EXOC6: variants seen among roughly 807,000 people sequenced by gnomAD.
EXOC6 encodes the protein exocyst complex component 6.
In EXOC6, 60 loss-of-function variants were observed where a neutral mutation model predicts 112.5. The ratio of observed to expected loss-of-function variants is 0.53; its 90% confidence interval spans 0.43 to 0.66. The LOEUF (loss-of-function observed/expected upper bound fraction) is 0.66, where lower values mean the gene tolerates loss of function less well. EXOC6 is among the 30% of genes least tolerant of loss of function. The probability of loss-of-function intolerance (pLI) is 0.00; values close to 1 mark genes in which losing one functional copy is unlikely to be tolerated. For missense variants in EXOC6, 855 were observed against 957.1 expected, an observed-to-expected ratio of 0.89 and a Z score of 1.41; for synonymous variants, 295 against 308.0, an observed-to-expected ratio of 0.96 and a Z score of 0.44.
upstream of EXOC6, among the ~76,000 whole-genome samples, chr10:92,846,295 G>A (rs1441952628): frequency 1.3e-5 from 2 of 152,212 alleles, no homozygotes; most frequent in African/African-American, 4.8e-5. Flanking sequence ...TCTAGGGAAG[G>A]AATGATCAGG....
At chr10:92,930,525 T>A (rs10786062) in intron 9 of EXOC6, among the ~76,000 whole-genome samples, 44,297 of 150,730 alleles carry the variant, frequency 0.29, 7,333 homozygotes, top group East Asian at 0.73. Context: ...ATAATAATAA[T>A]AAATAGAAAA....
At chr10:92,949,317 G>A (rs1244025930) in intron 14 of EXOC6, among the ~76,000 whole-genome samples, 2 of 151,898 alleles carry the variant, frequency 1.3e-5, no homozygotes, top group Non-Finnish European at 2.9e-5. Context: ...TACAGAACCA[G>A]GTAATTAAAT....
At chr10:93,019,954 A>C (rs934276926) in intron 20 of EXOC6, among the ~76,000 whole-genome samples, 1 of 152,204 alleles carries the variant, frequency 6.6e-6, no homozygotes, top group African/African-American at 2.4e-5. Context: ...CATATGGTGA[A>C]TCACTATTCT....
At chr10:93,047,077 G>A (rs1242917289) in intron 20 of EXOC6, among the ~76,000 whole-genome samples, 1 of 152,216 alleles carries the variant, frequency 6.6e-6, no homozygotes, top group Non-Finnish European at 1.5e-5. Flanking sequence ...CAAGGGAATG[G>A]TGTAATCAAA....
At chr10:92,984,801 C>T (rs1240583845) in intron 18 of EXOC6, among the ~76,000 whole-genome samples, 1 of 152,024 alleles carries the variant, frequency 6.6e-6, no homozygotes, top group Admixed American at 6.6e-5. Flanking sequence ...TTGAATTCTT[C>T]AGCCTGGGCA....
At chr10:92,979,896 C>CAAAA (rs5787028) in intron 18 of EXOC6, among the ~76,000 whole-genome samples, 1 of 84,438 alleles carries the variant, frequency 1.2e-5, no homozygotes, top group Non-Finnish European at 2.4e-5. Context: ...GACACTGTCT[C>CAAAA]AAAAAAAAAA....
chr10:93,048,719 G>T (rs1846126628), intron 20 of EXOC6, among the ~76,000 whole-genome samples: 1 of 138,126 alleles, frequency 7.2e-6, no homozygotes, highest in Non-Finnish European at 1.5e-5. Flanking sequence ...TCGTGCCACT[G>T]CACTCCAGCC....
chr10:92,904,175 A>G (rs967026360), intron 5 of EXOC6, among the ~76,000 whole-genome samples: 3 of 152,050 alleles, frequency 2.0e-5, no homozygotes, highest in African/African-American at 4.8e-5. Flanking sequence ...ACTACACTGT[A>G]TGGATGAACC....
Position 92,899,653 on chromosome 10 carries a change from G to GT in EXOC6, c.458+16dup, listed in dbSNP as rs758347935. On this transcript the variant is annotated intron_variant, in intron 5 of 21. Transcript: ENST00000260762. ...CAGATGAGTGCCAAAAGGTGAGTTGGTTTTTTTCCTATTGTTTTAAATAAG... is the reference window on the plus strand; with the variant it reads ...CAGATGAGTGCCAAAAGGTGAGTTGGTTTTTTTTCCTATTGTTTTAAATAAG... 6.9e-6 allele frequency: 11 copies of GT among 1,601,626 alleles called. No individual in the cohort carries two copies. In the African/African-American group the frequency reaches 1.3e-4, roughly 20 times the overall value.
chr10:92,932,226 A>G (rs567940605), intron 9 of EXOC6, among the ~76,000 whole-genome samples: 2 of 152,322 alleles, frequency 1.3e-5, no homozygotes, highest in African/African-American at 2.4e-5. Context: ...GAGTAATGTT[A>G]TATGACATTT....
chr10:93,023,744 C>T (rs377301516), intron 20 of EXOC6, among the ~76,000 whole-genome samples: 6 of 152,122 alleles, frequency 3.9e-5, no homozygotes, highest in African/African-American at 1.4e-4. Flanking sequence ...ATTTCAGATG[C>T]ATATGTGAAA....
At chr10:92,943,152 G>A (rs1054129674) in intron 13 of EXOC6, among the ~76,000 whole-genome samples, 1 of 151,686 alleles carries the variant, frequency 6.6e-6, no homozygotes, top group African/African-American at 2.4e-5. Flanking sequence ...CCTAGTAGCT[G>A]GGACTACAGG....
At chr10:93,032,589 C>T (rs1454349524) in intron 20 of EXOC6, among the ~76,000 whole-genome samples, 2 of 152,142 alleles carry the variant, frequency 1.3e-5, no homozygotes, top group South Asian at 2.1e-4. Flanking sequence ...CAAGAGCTGC[C>T]GTATTTTCAG....
At chr10:92,839,852 C>G (rs2246382) in intron 1 of EXOC6, among the ~76,000 whole-genome samples, 12 of 130,098 alleles carry the variant, frequency 9.2e-5, no homozygotes, top group African/African-American at 1.6e-4. Context: ...GGCTGTGGGG[C>G]GGGGGTGGAT....
chr10:93,033,612 G>T (rs547669209), intron 20 of EXOC6, among the ~76,000 whole-genome samples: 4 of 152,076 alleles, frequency 2.6e-5, no homozygotes, highest in Non-Finnish European at 5.9e-5. Context: ...TTTGTAAATT[G>T]CCTTAAAACC....
At chr10:92,978,449 A>G (rs1190746470) in intron 18 of EXOC6, among the ~76,000 whole-genome samples, 1 of 152,114 alleles carries the variant, frequency 6.6e-6, no homozygotes, top group Non-Finnish European at 1.5e-5. Flanking sequence ...ACAACAATAT[A>G]TTGTTATTCA....
At position 92,923,326 on chromosome 10, in the gene EXOC6, A is replaced by G. The variant is rs184917842; in HGVS notation, c.888+3276A>G. Among the ~76,000 whole-genome samples, 87 of 152,326 alleles carry G rather than the reference A, an allele frequency of 5.7e-4. 1 individual carries two copies. The highest frequency in any genetic ancestry group is 4.1e-3 in the Admixed American group (62 of 15,298). ...ATCATTGATCTCAGATTCTGTTCCT[A>G]GGACAGCTACCTAAGATAGTGACCA... is the stretch of plus-strand genomic sequence containing the variant. On this transcript the variant is annotated intron_variant, in intron 8 of 21. Transcript: ENST00000260762.
Position 93,058,475 on chromosome 10 carries a change from A to G in EXOC6, c.*120A>G. ...TCCAAAAATACAATAGAGAAGATAC[A>G]TGAGGGCTTAAACAAGAAATAGTAA... On this transcript the variant is annotated 3_prime_UTR_variant, in exon 22 of 22. Transcript: ENST00000260762. 1.5e-6 allele frequency: 1 copy of G among 686,160 alleles called. No homozygotes were observed. Among genetic ancestry groups the G allele is most frequent in the African/African-American group, 1.9e-5 (1 of 53,762 alleles). The allele number at this position is 686,160 out of a possible 1,614,324, so 42.5% of individuals were successfully genotyped here. A position where few individuals can be genotyped will look rare whatever the true frequency, so the allele number is the denominator to read the frequency against.
intron 19 of EXOC6, among the ~76,000 whole-genome samples, chr10:93,011,234 A>G (rs1472071722): frequency 2.0e-5 from 3 of 151,750 alleles, no homozygotes; most frequent in Non-Finnish European, 4.4e-5. Flanking sequence ...AAAAAAAAAA[A>G]AGGCCAATAA....
Sources: gnomAD v4.1 joint callset for allele counts (sites outside exome capture counted in the v4.1 genomes callset) on GRCh38, gnomAD v4.1.1 for gene constraint, MANE v1.5 for transcripts, NCBI Gene and HGNC (gene_info 2026-07-23, HGNC 2026-07-21) for gene names.